WWC2: variants seen among roughly 807,000 people sequenced by gnomAD.
The protein encoded by WWC2 is protein WWC2.
WWC2 carries 101 observed loss-of-function variants against 138.5 expected under a neutral mutation model. The ratio of observed to expected loss-of-function variants is 0.73; its 90% CI spans 0.62 to 0.86. The LOEUF (loss-of-function observed/expected upper bound fraction) is 0.86. WWC2 is among the 40% of genes least tolerant of loss of function. The pLI is 0.00. For missense variants in WWC2, 1,420 were observed against 1,419.4 expected (o/e 1.00, Z -0.01); for synonymous variants, 558 against 538.4 (o/e 1.04, Z -0.50).
At chr4:183,251,066 A>G (rs551403788) in intron 8 of WWC2, among the ~76,000 whole-genome samples, 1 of 152,342 alleles carries the variant, frequency 6.6e-6, no homozygotes, top group Non-Finnish European at 1.5e-5. Flanking sequence ...AGCTTGAACA[A>G]GTCACTTAGG....
chr4:183,105,843 T>C (rs532778446), intron 1 of WWC2, among the ~76,000 whole-genome samples: 1 of 151,074 alleles, frequency 6.6e-6, no homozygotes, highest in African/African-American at 2.4e-5. Flanking sequence ...TGAGCAGACA[T>C]TGCGCCAATG....
At chr4:183,106,542 A>C (rs1743367227) in intron 1 of WWC2, among the ~76,000 whole-genome samples, 1 of 152,220 alleles carries the variant, frequency 6.6e-6, no homozygotes, top group Admixed American at 6.5e-5. Context: ...AATCACCCCC[A>C]AAACAAACGA....
At position 183,099,518 on chromosome 4, in the gene WWC2, G is replaced by T; in HGVS notation, c.27G>T (p.Gln9His). Residue 9 changes from glutamine (Q) to histidine (H), a missense_variant, in exon 1 of 23, where the codon CAG becomes CAT. Physicochemically the swap from Gln to His is conservative, Grantham distance 24. Coordinates refer to ENST00000403733, the MANE Select transcript of WWC2 (RefSeq NM_024949.6). ...TGCCTAGGAGGGCCGGGAGCGGTCA[G>T]CTGCCGCTGCCCCGGGGCTGGGAGG... MPRRAGSG[Q>H]LPLPRGWEEA... 7.2e-7 allele frequency: 1 copy of T among 1,391,148 alleles called. No homozygotes were observed. Among genetic ancestry groups the T allele is most frequent in the Non-Finnish European group, 9.5e-7 (1 of 1,055,470 alleles). 86.2% of individuals were successfully genotyped at this position (1,391,148 alleles called of 1,614,324 possible).
chr4:183,221,576 A>G (rs1242402763), intron 4 of WWC2, among the ~76,000 whole-genome samples: 1 of 152,224 alleles, frequency 6.6e-6, no homozygotes. Flanking sequence ...GAATTAAATT[A>G]GACATCATAA....
intron 5 of WWC2, among the ~76,000 whole-genome samples, chr4:183,244,214 G>A (rs1405044600): frequency 6.6e-6 from 1 of 152,126 alleles, no homozygotes; most frequent in Non-Finnish European, 1.5e-5. Context: ...AGGAGAACTC[G>A]TGCAGTATTC....
chr4:183,267,914 C>T (rs1404053043), intron 14 of WWC2, among the ~76,000 whole-genome samples: 2 of 151,928 alleles, frequency 1.3e-5, no homozygotes, highest in Non-Finnish European at 2.9e-5. Flanking sequence ...CTTTTTTTTC[C>T]CAACCTCAAA....
At chr4:183,263,963 T>C (rs534406233) in intron 11 of WWC2, among the ~76,000 whole-genome samples, 58 of 152,328 alleles carry the variant, frequency 3.8e-4, no homozygotes, top group African/African-American at 1.4e-3. Context: ...ACCAACCACG[T>C]TGGAATAACT....
At chr4:183,313,327 G>A (rs1445445568) in intron 22 of WWC2, among the ~76,000 whole-genome samples, 2 of 152,156 alleles carry the variant, frequency 1.3e-5, no homozygotes, top group African/African-American at 4.8e-5. Flanking sequence ...CCAAATGATG[G>A]GGATGGGTTT....
intron 11 of WWC2, among the ~76,000 whole-genome samples, chr4:183,263,105 A>G (rs1737385359): frequency 6.6e-6 from 1 of 152,344 alleles, no homozygotes; most frequent in Admixed American, 6.5e-5. Flanking sequence ...AAACCATGGA[A>G]AGCTATGAGA....
At chr4:183,142,093 G>T (rs552474926) in intron 1 of WWC2, among the ~76,000 whole-genome samples, 2 of 152,172 alleles carry the variant, frequency 1.3e-5, no homozygotes, top group African/African-American at 4.8e-5. Context: ...TGATAGGAGA[G>T]CATGGGCATT....
chr4:183,107,691 G>T (rs548939974), intron 1 of WWC2, among the ~76,000 whole-genome samples: 1 of 152,038 alleles, frequency 6.6e-6, no homozygotes, highest in Non-Finnish European at 1.5e-5. Flanking sequence ...GTCTCACATT[G>T]CTCTTCCCTT....
chr4:183,282,346 T>A (rs145595739), intron 17 of WWC2, among the ~76,000 whole-genome samples: 94 of 152,356 alleles, frequency 6.2e-4, no homozygotes, highest in African/African-American at 2.1e-3. Context: ...ATGATTAATT[T>A]TACAATAAAT....
chr4:183,277,470 A>G (rs1737899341), intron 16 of WWC2, among the ~76,000 whole-genome samples: 1 of 150,792 alleles, frequency 6.6e-6, no homozygotes. Flanking sequence ...CAGCAGCATG[A>G]TTTATAGTCC....
intron 2 of WWC2, among the ~76,000 whole-genome samples, chr4:183,198,092 A>C (rs759093592): frequency 8.5e-5 from 13 of 152,140 alleles, no homozygotes; most frequent in Non-Finnish European, 1.9e-4. Context: ...GGTCGCACCT[A>C]CTTGGGAGGC....
intron 1 of WWC2, among the ~76,000 whole-genome samples, chr4:183,109,592 G>A (rs1188141994): frequency 6.6e-6 from 1 of 152,126 alleles, no homozygotes; most frequent in Non-Finnish European, 1.5e-5. Context: ...TTCATTATAG[G>A]GTTCGCTCTC....
intron 20 of WWC2, among the ~76,000 whole-genome samples, chr4:183,286,971 G>C (rs1738279142): frequency 6.6e-6 from 1 of 152,170 alleles, no homozygotes; most frequent in African/African-American, 2.4e-5. Flanking sequence ...ATGGATACTG[G>C]GCGCTGTGGG....
intron 4 of WWC2, among the ~76,000 whole-genome samples, chr4:183,222,565 T>C (rs755776589): frequency 6.6e-6 from 1 of 151,988 alleles, no homozygotes; most frequent in Non-Finnish European, 1.5e-5. Context: ...AGAAACAATA[T>C]AAGGATGCAA....
At chr4:183,202,915 C>T (rs1735341474) in intron 2 of WWC2, among the ~76,000 whole-genome samples, 1 of 152,174 alleles carries the variant, frequency 6.6e-6, no homozygotes, top group Admixed American at 6.5e-5. Flanking sequence ...GCGTTAAAGG[C>T]TTTTTATATT....
chr4:183,221,682 T>A (rs976822503), intron 4 of WWC2, among the ~76,000 whole-genome samples: 1 of 152,282 alleles, frequency 6.6e-6, no homozygotes, highest in Admixed American at 6.5e-5. Flanking sequence ...ATGAGGAACA[T>A]TTAAAAATAT....
Sources: allele counts gnomAD v4.1 joint callset (sites outside exome capture counted in the v4.1 genomes callset), GRCh38; gene constraint gnomAD v4.1.1; transcripts MANE v1.5; gene names NCBI Gene and HGNC (gene_info 2026-07-23, HGNC 2026-07-21).